PPARA: variants seen among roughly 807,000 people sequenced by gnomAD.
The protein encoded by PPARA is peroxisome proliferator activated receptor alpha.
A neutral mutation model predicts 42.2 loss-of-function variants in PPARA; 22 were observed. The observed-to-expected ratio is 0.52, with a 90% CI of 0.37 to 0.74. The LOEUF (loss-of-function observed/expected upper bound fraction) is 0.74, where lower values mean the gene tolerates loss of function less well. Among genes scored for constraint, PPARA ranks in the 30% least tolerant of loss-of-function variants. PPARA has a pLI of 0.00. For missense variants in PPARA, 465 were observed against 608.2 expected (o/e 0.76, Z 2.48); for synonymous variants, 242 against 239.3 (o/e 1.01, Z -0.10).
Position 46,237,661 on chromosome 22 carries a change from A to G in PPARA, c.*2281A>G, listed in dbSNP as rs988706923. On this transcript the variant is annotated 3_prime_UTR_variant, in exon 9 of 9. Transcript: ENST00000407236. This position sits in a 1 kb window ranked among gnomAD's most constrained non-coding sequence, Gnocchi z 6.7. ...AAAGGGGCTGTTGGCCAGCAATGGC[A>G]GCAGCAGCGGCGGGCAGTCTGCCCA... 1.3e-5 allele frequency: 2 copies of G among 151,964 alleles called. No homozygotes were observed. Among genetic ancestry groups the G allele is most frequent in the Non-Finnish European group, 2.9e-5 (2 of 68,048 alleles). The allele number at this position is 151,964 out of a possible 1,614,324, so 9.4% of individuals were successfully genotyped here.
rs114782409 is a variant in PPARA at position 46,206,031 on chromosome 22, C to T, written c.208+7440C>T. Among the ~76,000 whole-genome samples the T allele has an allele frequency of 6.0e-3, 920 of 152,120 alleles. 8 individuals are homozygous for T. Among genetic ancestry groups the T allele is most frequent in the African/African-American group, 0.02 (847 of 41,518 alleles). On this transcript the variant is annotated intron_variant, in intron 4 of 8. Coordinates refer to ENST00000407236, the MANE Select transcript of PPARA (RefSeq NM_005036.6). ...ATCTCACAATTTGTTCTCTTTGGTACATCTTTGTTTTGTTCCCTTTTCCTC... is the reference window on the plus strand; with the variant it reads ...ATCTCACAATTTGTTCTCTTTGGTATATCTTTGTTTTGTTCCCTTTTCCTC...
intron 3 of PPARA, among the ~76,000 whole-genome samples, chr22:46,194,591 T>A (rs9680739): frequency 1.3e-4 from 16 of 127,828 alleles, no homozygotes; most frequent in Non-Finnish European, 2.3e-4. Flanking sequence ...TTTTTTTTTG[T>A]GACAGAGTCT....
At chr22:46,215,877 G>A (rs575780344) in intron 5 of PPARA, among the ~76,000 whole-genome samples, 4 of 152,124 alleles carry the variant, frequency 2.6e-5, no homozygotes, top group Non-Finnish European at 5.9e-5. Flanking sequence ...TAGCTTGTAC[G>A]CCCCTTATGA....
At chr22:46,174,159 A>G (rs999330675) in intron 2 of PPARA, among the ~76,000 whole-genome samples, 4 of 148,832 alleles carry the variant, frequency 2.7e-5, no homozygotes, top group African/African-American at 7.6e-5. Flanking sequence ...GCCTGGCAAC[A>G]GAGCAAGACT....
At position 46,198,552 on chromosome 22, in the gene PPARA, T is replaced by C; in HGVS notation, c.169T>C (p.Leu57=). 6 of 1,614,112 alleles carry C rather than the reference T, an allele frequency of 3.7e-6. No homozygotes were observed. Among genetic ancestry groups the C allele is most frequent in the Non-Finnish European group, 5.1e-6 (6 of 1,180,004 alleles). The stretch of plus-strand genomic sequence containing the variant: ...CTTTGGCTTTACGGAATACCAGTAT[T>C]TAGGAAGCTGTCCTGGCTCAGATGG... ...GSFGFTEYQY[L]GSCPGSDGSV... is the part of the protein sequence containing the mutation. The change falls in exon 4 of 9, where the codon TTA becomes CTA. Residue 57 remains leucine, a synonymous_variant. Transcript: ENST00000407236.
rs1279499029 is a variant in PPARA at position 46,185,894 on chromosome 22, C to CAAAAAAAAAAAAAAAAAA, written c.-43+9058_-43+9059insAAAAAAAAAAAAAAAAAA. ...TGGGTGACAAAGTGAGACTCCGTCT[C>CAAAAAAAAAAAAAAAAAA]CAAAAAAAAAAAAAAAAAAAAAATA... On this transcript the variant is annotated intron_variant, in intron 3 of 8. Coordinates refer to ENST00000407236, the MANE Select transcript of PPARA (RefSeq NM_005036.6). Among the ~76,000 whole-genome samples, 43 of 20,860 alleles carry CAAAAAAAAAAAAAAAAAA rather than the reference C, an allele frequency of 2.1e-3. 5 individuals carry two copies. The highest frequency in any genetic ancestry group is 3.1e-3 in the Admixed American group (4 of 1,302). 13.7% of individuals were successfully genotyped at this position (20,860 alleles called of 152,430 possible).
rs543409130 is a variant in PPARA at position 46,239,267 on chromosome 22, G to C, written c.*3887G>C. On this transcript the variant is annotated 3_prime_UTR_variant, in exon 9 of 9. Transcript: ENST00000407236. ...AGGGACAGGGCAGCCTCCCAGAGCC[G>C]AGCAAGAGCTCAAGGTACAAATGAG... The C allele has an allele frequency of 1.3e-5, 2 of 152,044 alleles. No homozygotes were observed. Among genetic ancestry groups the C allele is most frequent in the Admixed American group, 1.3e-4 (2 of 15,256 alleles). The allele number at this position is 152,044 out of a possible 1,614,324, so 9.4% of individuals were successfully genotyped here.
At chr22:46,210,143 C>G (rs887360977) in intron 4 of PPARA, among the ~76,000 whole-genome samples, 1 of 151,400 alleles carries the variant, frequency 6.6e-6, no homozygotes, top group African/African-American at 2.4e-5. Flanking sequence ...AACCCCGTCT[C>G]TACAAAAAAT....
chr22:46,176,575 T>G (rs1159178596), intron 2 of PPARA, among the ~76,000 whole-genome samples, 178 bp from the exon 3 acceptor site: 1 of 151,874 alleles, frequency 6.6e-6, no homozygotes, highest in Non-Finnish European at 1.5e-5. Flanking sequence ...TTCTTTTAAA[T>G]TTGTTGAGGT....
Position 46,224,085 on chromosome 22 carries a change from A to G in PPARA, c.711+4071A>G, listed in dbSNP as rs915050735. 3.3e-5 allele frequency among the ~76,000 whole-genome samples: 5 copies of G among 152,336 alleles called. No homozygotes were observed. The highest frequency in any genetic ancestry group is 3.9e-4 in the East Asian group (2 of 5,188). Reference sequence around the variant, plus strand: ...CTCTTCCACCCACACCCACAAAGCCAGAGCACCGCAGGTACCAGTTTTCAA... The same window carrying G: ...CTCTTCCACCCACACCCACAAAGCCGGAGCACCGCAGGTACCAGTTTTCAA... On this transcript the variant is annotated intron_variant, in intron 7 of 8. Transcript: ENST00000407236. The surrounding 1 kb of genome is among the most constrained non-coding windows in gnomAD (Gnocchi z 5.7).
rs377302525 is a variant in PPARA, at chr22:46,235,395, G to A, written c.*15G>A. On this transcript the variant is annotated 3_prime_UTR_variant, in exon 9 of 9. Coordinates refer to ENST00000407236, the MANE Select transcript of PPARA (RefSeq NM_005036.6). This position sits in a 1 kb window ranked among gnomAD's most constrained non-coding sequence, Gnocchi z 7.0. ...ACATGTACTGAGTTCCTTCAGATCA[G>A]CCACACCTTTTCCAGGAGTTCTGAA... 71 of 1,612,366 alleles carry A rather than the reference G, an allele frequency of 4.4e-5. No individual in the cohort carries two copies. Among genetic ancestry groups the A allele is most frequent in the Non-Finnish European group, 5.8e-5 (69 of 1,179,598 alleles).
chr22:46,159,044 CA>C (rs1925746650), intron 2 of PPARA, among the ~76,000 whole-genome samples: 1 of 152,084 alleles, frequency 6.6e-6, no homozygotes, highest in African/African-American at 2.4e-5. Context: ...CATGTGCCAC[CA>C]CGCCCGGCTA....
intron 3 of PPARA, among the ~76,000 whole-genome samples, chr22:46,178,498 A>C (rs1235479911): frequency 6.6e-6 from 1 of 152,216 alleles, no homozygotes; most frequent in Non-Finnish European, 1.5e-5. Flanking sequence ...AAACTGAGGC[A>C]GATCTTGGCA....
chr22:46,168,094 T>C (rs944801571), intron 2 of PPARA, among the ~76,000 whole-genome samples: 5 of 151,772 alleles, frequency 3.3e-5, no homozygotes, highest in Non-Finnish European at 7.4e-5. Context: ...GGCTCACGCC[T>C]GTAATCCCAG....
At position 46,235,626 on chromosome 22, in the gene PPARA, A is replaced by G. The variant is rs1936166073; in HGVS notation, c.*246A>G. The G allele has an allele frequency of 5.6e-6, 3 of 537,496 alleles. No individual in the cohort carries two copies. The highest frequency in any genetic ancestry group is 6.7e-6 in the Non-Finnish European group (2 of 298,432). 33.3% of individuals were successfully genotyped at this position (537,496 alleles called of 1,614,324 possible). A position where few individuals can be genotyped will look rare whatever the true frequency, so the allele number is the denominator to read the frequency against. On this transcript the variant is annotated 3_prime_UTR_variant, in exon 9 of 9. Coordinates refer to ENST00000407236, the MANE Select transcript of PPARA (RefSeq NM_005036.6). This position sits in a 1 kb window ranked among gnomAD's most constrained non-coding sequence, Gnocchi z 7.0. ...AGGACTGGGAAGATTACGGCGAATT[A>G]TGCTCAATGGTCTGATTTTAACTCA...
chr22:46,196,140 A>T lies in PPARA; in HGVS notation c.-42-2202A>T, dbSNP rs1340294653. 2.0e-5 allele frequency among the ~76,000 whole-genome samples: 3 copies of T among 152,206 alleles called. No individual in the cohort carries two copies. The highest frequency in any genetic ancestry group is 7.2e-5 in the African/African-American group (3 of 41,460). The stretch of plus-strand genomic sequence containing the variant: ...CAGTGTGTTCAGGAGACTGGGCTTC[A>T]ATCTGGAGGTCTCAGGAAGTGGTTT... On this transcript the variant is annotated intron_variant, in intron 3 of 8. Transcript: ENST00000407236. This position sits in a 1 kb window ranked among gnomAD's most constrained non-coding sequence, Gnocchi z 5.6.
chr22:46,202,984 GTGACCACAC>G (rs1932920067), intron 4 of PPARA, among the ~76,000 whole-genome samples: 1 of 152,088 alleles, frequency 6.6e-6, no homozygotes, highest in African/African-American at 2.4e-5. Flanking sequence ...CTTACAAAAA[GTGACCACAC>G]TGAAGCGTCC....
intron 3 of PPARA, among the ~76,000 whole-genome samples, chr22:46,194,568 C>CTTTTTT (rs1158744441): frequency 4.8e-5 from 6 of 125,522 alleles, no homozygotes; most frequent in African/African-American, 9.1e-5. Context: ...TTGCTTTTTC[C>CTTTTTT]TTTTTTTTTT....
rs1446297616 is a variant in PPARA at position 46,203,486 on chromosome 22, A to G, written c.208+4895A>G. 1.3e-5 allele frequency among the ~76,000 whole-genome samples: 2 copies of G among 152,204 alleles called. No homozygotes were observed. The highest frequency in any genetic ancestry group is 6.6e-5 in the Admixed American group (1 of 15,250). ...ATCTGTTGGGTGTACACACACACGC[A>G]TCTGTGAAACCATCATCACACTCAA... On this transcript the variant is annotated intron_variant, in intron 4 of 8. Transcript: ENST00000407236. The surrounding 1 kb of genome is among the most constrained non-coding windows in gnomAD (Gnocchi z 5.8).
Sources: gnomAD v4.1 joint callset for allele counts (sites outside exome capture counted in the v4.1 genomes callset) on GRCh38, gnomAD v4.1.1 for gene constraint, Gnocchi (gnomAD v3.1) non-coding constraint, MANE v1.5 for transcripts, NCBI Gene and HGNC (gene_info 2026-07-23, HGNC 2026-07-21) for gene names.